TMEM135: variants seen among roughly 807,000 people sequenced by gnomAD.
The protein encoded by TMEM135 is peroxisomal membrane protein 52.
TMEM135 carries 30 observed loss-of-function variants against 60.3 expected under a neutral mutation model. That is an observed-to-expected ratio of 0.50 (90% CI 0.37 to 0.68). The LOEUF (loss-of-function observed/expected upper bound fraction) is 0.68. Ranked by LOEUF, TMEM135 falls within the 30% of genes least tolerant of loss-of-function variation. TMEM135 has a pLI of 0.00. For missense variants in TMEM135, 468 were observed against 548.8 expected (o/e 0.85, Z 1.47); for synonymous variants, 190 against 186.7 (o/e 1.02, Z -0.14).
At chr11:87,112,705 A>G (rs924681982) in intron 4 of TMEM135, among the ~76,000 whole-genome samples, 3 of 152,094 alleles carry the variant, frequency 2.0e-5, no homozygotes, top group African/African-American at 7.2e-5. Context: ...AAAACAATAC[A>G]TTATATGTTA....
intron 5 of TMEM135, among the ~76,000 whole-genome samples, chr11:87,211,987 G>C (rs181852340): frequency 3.8e-3 from 574 of 152,042 alleles, no homozygotes; most frequent in Non-Finnish European, 7.0e-3. Context: ...TGGCCTTGTA[G>C]CTTCAAGATC....
chr11:87,046,044 A>G (rs1348887891), intron 1 of TMEM135, among the ~76,000 whole-genome samples: 1 of 152,228 alleles, frequency 6.6e-6, no homozygotes, highest in Non-Finnish European at 1.5e-5. Context: ...ATGCAAATTC[A>G]TTGAGATAAA....
At chr11:87,179,604 A>G (rs1939464455) in intron 5 of TMEM135, among the ~76,000 whole-genome samples, 1 of 152,124 alleles carries the variant, frequency 6.6e-6, no homozygotes, top group Non-Finnish European at 1.5e-5. Flanking sequence ...TTGAGGTGAA[A>G]ATCCAAGTTC....
intron 6 of TMEM135, among the ~76,000 whole-genome samples, chr11:87,238,212 A>G (rs1432541657): frequency 1.3e-5 from 2 of 151,840 alleles, no homozygotes; most frequent in Non-Finnish European, 2.9e-5. Context: ...CATAATAGAG[A>G]TCATAAATCT....
chr11:87,300,983 C>T (rs1942437097), intron 7 of TMEM135, among the ~76,000 whole-genome samples: 1 of 152,174 alleles, frequency 6.6e-6, no homozygotes, highest in South Asian at 2.1e-4. Flanking sequence ...CATAGTTTTA[C>T]CCTTGTTGCT....
intron 1 of TMEM135, among the ~76,000 whole-genome samples, chr11:87,054,446 A>AG (rs1227038210): frequency 1.3e-5 from 2 of 152,256 alleles, no homozygotes; most frequent in Non-Finnish European, 2.9e-5. Flanking sequence ...AAAGAAAAAA[A>AG]GAAAAAAAGA....
At chr11:87,222,981 A>T (rs12788328) in intron 5 of TMEM135, among the ~76,000 whole-genome samples, 1 of 152,074 alleles carries the variant, frequency 6.6e-6, no homozygotes, top group Non-Finnish European at 1.5e-5. Flanking sequence ...GGAGAGGGGG[A>T]CAAAAGCACA....
At chr11:87,311,101 A>G (rs540677963) in intron 10 of TMEM135, among the ~76,000 whole-genome samples, 1 of 85,640 alleles carries the variant, frequency 1.2e-5, no homozygotes, top group South Asian at 4.1e-4. Flanking sequence ...GGGTATATAT[A>G]TATGTCTATA....
intron 3 of TMEM135, 40 bp downstream of exon 3, chr11:87,071,655 G>C: frequency 6.7e-7 from 1 of 1,494,410 alleles, no homozygotes; most frequent in South Asian, 1.2e-5. Context: ...CTGATTACCT[G>C]TCCCCTACCC....
chr11:87,151,699 T>G (rs982700195), intron 4 of TMEM135, among the ~76,000 whole-genome samples: 3 of 150,446 alleles, frequency 2.0e-5, no homozygotes, highest in Non-Finnish European at 3.0e-5. Flanking sequence ...TTTCTTGGGC[T>G]GCTTTTTTTT....
At position 87,302,795 on chromosome 11, in the gene TMEM135, A is replaced by G. The variant is rs532341627; in HGVS notation, c.698+353A>G. Among the ~76,000 whole-genome samples the G allele has an allele frequency of 4.6e-5, 7 of 152,296 alleles. No individual in the cohort carries two copies. The East Asian group carries it at 1.2e-3, about 25-fold the overall frequency. ...GAAAGAAGGAAGCAAAATTCCTGAG[A>G]GAGATTGAAGAAGATTAAGGAATAA... On this transcript the variant is annotated intron_variant, in intron 8 of 14. Transcript: ENST00000305494.
chr11:87,271,409 T>G (rs1230886626), intron 6 of TMEM135, among the ~76,000 whole-genome samples: 2 of 152,216 alleles, frequency 1.3e-5, no homozygotes, highest in African/African-American at 4.8e-5. Context: ...AGGCTGCAGT[T>G]ACTTTCGTGA....
At chr11:87,254,135 A>T (rs1273001856) in intron 6 of TMEM135, among the ~76,000 whole-genome samples, 1 of 152,160 alleles carries the variant, frequency 6.6e-6, no homozygotes, top group Non-Finnish European at 1.5e-5. Flanking sequence ...GTGAGTTTTT[A>T]AAATAATTTG....
At chr11:87,117,073 G>A (rs1350137109) in intron 4 of TMEM135, among the ~76,000 whole-genome samples, 2 of 151,788 alleles carry the variant, frequency 1.3e-5, no homozygotes, top group African/African-American at 4.8e-5. Flanking sequence ...CACCTGCCTC[G>A]GCCTCCCAAA....
rs1460089334 is a variant in TMEM135 at position 87,325,870 on chromosome 11, T to C, written c.*4537T>C. 8.8e-6 allele frequency: 4 copies of C among 453,910 alleles called. 1 individual carries two copies. The highest frequency in any genetic ancestry group is 1.3e-5 in the Non-Finnish European group (3 of 226,766). 28.1% of individuals were successfully genotyped at this position (453,910 alleles called of 1,614,324 possible). On this transcript the variant is annotated 3_prime_UTR_variant, in exon 15 of 15. Coordinates refer to ENST00000305494, the MANE Select transcript of TMEM135 (RefSeq NM_022918.4). The stretch of plus-strand genomic sequence containing the variant: ...CACTTGACTCTGGAATTTCCTATTT[T>C]CTTTTACTTTCTCCATTTTTTTTCC...
chr11:87,076,345 G>A (rs61904172), intron 3 of TMEM135, among the ~76,000 whole-genome samples: 1 of 152,164 alleles, frequency 6.6e-6, no homozygotes, highest in African/African-American at 2.4e-5. Context: ...CTTCTGACTG[G>A]CCACTGCTGA....
intron 5 of TMEM135, among the ~76,000 whole-genome samples, chr11:87,215,112 G>A (rs1940467690): frequency 1.3e-5 from 2 of 151,688 alleles, no homozygotes; most frequent in Admixed American, 6.6e-5. Context: ...TTCTTATTTA[G>A]AACATACTAA....
chr11:87,045,827 G>A (rs2135108636), intron 1 of TMEM135, among the ~76,000 whole-genome samples: 1 of 152,280 alleles, frequency 6.6e-6, no homozygotes, highest in East Asian at 1.9e-4. Flanking sequence ...TTGATGATTA[G>A]TTTAGTAATA....
At chr11:87,085,917 C>T (rs74992140) in intron 3 of TMEM135, among the ~76,000 whole-genome samples, 1 of 152,154 alleles carries the variant, frequency 6.6e-6, no homozygotes, top group Non-Finnish European at 1.5e-5. Flanking sequence ...CACTTCACTT[C>T]TCTGATTCTT....
Sources: gnomAD v4.1 joint callset for allele counts (sites outside exome capture counted in the v4.1 genomes callset) on GRCh38, gnomAD v4.1.1 for gene constraint, MANE v1.5 for transcripts, NCBI Gene and HGNC (gene_info 2026-07-23, HGNC 2026-07-21) for gene names.